The following TTC39C variants were observed in gnomAD, a reference collection of about 807,000 sequenced individuals.
TTC39C encodes the protein tetratricopeptide repeat domain 39C.
A neutral mutation model predicts 76.3 loss-of-function variants in TTC39C; 33 were observed. The observed-to-expected ratio is 0.43, with a 90% confidence interval of 0.33 to 0.58. The LOEUF (loss-of-function observed/expected upper bound fraction) is 0.58, where lower values mean the gene tolerates loss of function less well. TTC39C is among the 20% of genes least tolerant of loss of function. The pLI, the probability that TTC39C is intolerant of heterozygous loss-of-function variation, is 0.04. For synonymous variants in TTC39C, 254 were observed against 260.6 expected, an observed-to-expected ratio of 0.97 and a Z score of 0.24; for missense variants, 595 against 701.4, an observed-to-expected ratio of 0.85 and a Z score of 1.71.
intron 1 of TTC39C, among the ~76,000 whole-genome samples, chr18:24,005,858 C>A (rs1430117390): frequency 6.0e-4 from 86 of 144,044 alleles, no homozygotes; most frequent in East Asian, 2.2e-3. Flanking sequence ...AAAAAAAAAA[C>A]AAAAAACCCA....
At chr18:24,027,807 A>C (rs1301159406) in intron 1 of TTC39C, among the ~76,000 whole-genome samples, 1 of 151,964 alleles carries the variant, frequency 6.6e-6, no homozygotes, top group Non-Finnish European at 1.5e-5. Flanking sequence ...CAGTCCTCCC[A>C]CCTCAGCCTC....
intron 3 of TTC39C, among the ~76,000 whole-genome samples, chr18:24,067,983 A>G (rs2084188620): frequency 6.6e-6 from 1 of 151,942 alleles, no homozygotes; most frequent in African/African-American, 2.4e-5. Context: ...TTGAGGCTCC[A>G]TGCCCTGTTG....
At chr18:24,006,813 T>C (rs1268370178) in intron 1 of TTC39C, among the ~76,000 whole-genome samples, 1 of 152,202 alleles carries the variant, frequency 6.6e-6, no homozygotes, top group East Asian at 1.9e-4. Flanking sequence ...GGCACCAAGG[T>C]CTACTATGAC....
At chr18:24,108,749 C>G (rs931096309) in intron 6 of TTC39C, among the ~76,000 whole-genome samples, 2 of 152,100 alleles carry the variant, frequency 1.3e-5, no homozygotes, top group African/African-American at 4.8e-5. Flanking sequence ...CTTTTTGTCC[C>G]TTCTCTTGCC....
chr18:24,050,777 C>T (rs1387665654), intron 1 of TTC39C, among the ~76,000 whole-genome samples: 1 of 149,920 alleles, frequency 6.7e-6, no homozygotes, highest in African/African-American at 2.5e-5. Context: ...GAGGTTGAGG[C>T]AGGAGAATTG....
upstream of TTC39C, among the ~76,000 whole-genome samples, chr18:24,011,914 C>T (rs2083396467): frequency 6.6e-6 from 1 of 152,194 alleles, no homozygotes; most frequent in Non-Finnish European, 1.5e-5. Flanking sequence ...CAGGAAGGTG[C>T]TGAGAATCTC....
chr18:24,126,305 C>T lies in TTC39C; in HGVS notation c.1420+755C>T, dbSNP rs112857480. Among the ~76,000 whole-genome samples, 263 of 152,118 alleles carry T rather than the reference C, an allele frequency of 1.7e-3. 2 individuals carry two copies. Among genetic ancestry groups the T allele is most frequent in the African/African-American group, 6.0e-3 (251 of 41,500 alleles). On this transcript the variant is annotated intron_variant, in intron 10 of 13. Coordinates refer to ENST00000317571, the MANE Select transcript of TTC39C (RefSeq NM_001135993.2). ...TATTCCAGAAATAGTTTATAAGCCA[C>T]TGTAGAAAATTTTTCAGATTTTTCT...
At chr18:24,104,116 G>C (rs1327443975) in intron 6 of TTC39C, among the ~76,000 whole-genome samples, 1 of 152,112 alleles carries the variant, frequency 6.6e-6, no homozygotes, top group Admixed American at 6.6e-5. Context: ...ATTTTTAGTA[G>C]AGACTGGGTT....
At chr18:24,121,506 G>T (rs1166741721) in intron 8 of TTC39C, among the ~76,000 whole-genome samples, 1 of 152,124 alleles carries the variant, frequency 6.6e-6, no homozygotes, top group Non-Finnish European at 1.5e-5. Context: ...TTGAACCCAG[G>T]AGGCAGAAGT....
At chr18:24,063,057 T>C (rs775729648) in intron 1 of TTC39C, among the ~76,000 whole-genome samples, 3 of 152,212 alleles carry the variant, frequency 2.0e-5, no homozygotes, top group Non-Finnish European at 4.4e-5. Flanking sequence ...ATAGTGACCA[T>C]ATAGTATTTG....
At chr18:23,997,551 CAAAAAAAAAAAA>C (rs71163650) in intron 1 of TTC39C, among the ~76,000 whole-genome samples, 7 of 52,168 alleles carry the variant, frequency 1.3e-4, no homozygotes, top group Admixed American at 3.1e-4. Context: ...GTCTCTGTCT[CAAAAAAAAAAAA>C]AAAAAAAAAA....
At position 24,116,826 on chromosome 18, in the gene TTC39C, T is replaced by G. The variant is rs528514212; in HGVS notation, c.1079-1299T>G. ...CTACCTCTTGATACCTTAGTTTTTT[T>G]TTTTTTTTTTTTTTTTTAAGACAGG... On this transcript the variant is annotated intron_variant, in intron 7 of 13. Coordinates refer to ENST00000317571, the MANE Select transcript of TTC39C (RefSeq NM_001135993.2). Among the ~76,000 whole-genome samples the G allele has an allele frequency of 6.9e-5, 10 of 145,722 alleles. 1 individual carries two copies. In the South Asian group the frequency reaches 8.9e-4, roughly 13 times the overall value.
chr18:24,087,420 C>T (rs532908536), intron 6 of TTC39C, among the ~76,000 whole-genome samples: 117 of 152,214 alleles, frequency 7.7e-4, no homozygotes, highest in Admixed American at 2.0e-3. Context: ...TAAATACATA[C>T]TTTCACACAC....
chr18:24,083,189 A>G lies in TTC39C; in HGVS notation c.984+108A>G. On this transcript the variant is annotated intron_variant, in intron 6 of 13. Transcript: ENST00000317571. ...GAGCCAGAATGTCCCAGGGCCCCGG[A>G]GCATTTTGTTCTTTTGCCTTTCCTT... 2.5e-6 allele frequency: 3 copies of G among 1,179,544 alleles called. 1 individual carries two copies. The South Asian group carries it at 6.0e-5, about 24-fold the overall frequency. 73.1% of individuals were successfully genotyped at this position (1,179,544 alleles called of 1,614,324 possible). A position where few individuals can be genotyped will look rare whatever the true frequency, so the allele number is the denominator to read the frequency against.
intron 6 of TTC39C, among the ~76,000 whole-genome samples, chr18:24,103,929 CTG>C (rs985243346): frequency 3.4e-5 from 5 of 145,738 alleles, no homozygotes; most frequent in African/African-American, 1.1e-4. Flanking sequence ...CATTCTCTCT[CTG>C]TTTTTTTTTT....
chr18:24,007,244 C>G (rs2083360910), intron 1 of TTC39C, among the ~76,000 whole-genome samples: 1 of 152,178 alleles, frequency 6.6e-6, no homozygotes, highest in South Asian at 2.1e-4. Flanking sequence ...GTTGGACACA[C>G]AGAACATAGA....
At chr18:24,050,286 G>A (rs2083931655) in intron 1 of TTC39C, among the ~76,000 whole-genome samples, 4 of 152,084 alleles carry the variant, frequency 2.6e-5, no homozygotes, top group Non-Finnish European at 5.9e-5. Flanking sequence ...AAAGTGAAAT[G>A]TGGCCTGGTG....
chr18:24,117,722 A>G (rs956136817), intron 7 of TTC39C, among the ~76,000 whole-genome samples: 2 of 152,024 alleles, frequency 1.3e-5, no homozygotes, highest in African/African-American at 4.8e-5. Context: ...AAAAAAAAAA[A>G]AAAAGAATGA....
chr18:24,075,757 A>G (rs781202341), intron 4 of TTC39C, among the ~76,000 whole-genome samples: 2 of 151,644 alleles, frequency 1.3e-5, no homozygotes, highest in East Asian at 1.9e-4. Context: ...CTGAATTGCC[A>G]TGGGTTAACC....
Sources: allele counts gnomAD v4.1 joint callset (sites outside exome capture counted in the v4.1 genomes callset), GRCh38; gene constraint gnomAD v4.1.1; transcripts MANE v1.5; gene names NCBI Gene and HGNC (gene_info 2026-07-23, HGNC 2026-07-21).